Variants in CENPF observed in about 807,000 individuals in gnomAD.
CENPF encodes the protein AH antigen.
CENPF carries 214 observed loss-of-function variants against 307.3 expected under a neutral mutation model. The ratio of observed to expected loss-of-function variants is 0.70; its 90% CI spans 0.62 to 0.78. The LOEUF (loss-of-function observed/expected upper bound fraction) is 0.78. Ranked by LOEUF, CENPF falls within the 30% of genes least tolerant of loss-of-function variation. CENPF has a pLI of 0.00. For synonymous variants in CENPF, 1,259 were observed against 1,270.6 expected (o/e 0.99, Z 0.19); for missense variants, 3,401 against 3,483.9 (o/e 0.98, Z 0.60).
At chr1:214,656,572 C>T (rs1658637366) in intron 17 of CENPF, among the ~76,000 whole-genome samples, 1 of 152,114 alleles carries the variant, frequency 6.6e-6, no homozygotes, top group South Asian at 2.1e-4. Flanking sequence ...TGTTCATCCA[C>T]TTATGGTAGA....
In CENPF at chr1:214,619,237, C is replaced by T; in HGVS notation, c.573+17C>T. On this transcript the variant is annotated intron_variant, in intron 5 of 19. Transcript: ENST00000366955. ...CAGGCTAAAGTAAGTTAATTATGGG[C>T]CCTATAATAGAGTATGCAGTTATAG... is the stretch of plus-strand genomic sequence containing the variant. 2 of 1,214,638 alleles carry T rather than the reference C, an allele frequency of 1.6e-6. No individual in the cohort carries two copies. Among genetic ancestry groups the T allele is most frequent in the East Asian group, 2.3e-5 (1 of 42,850 alleles). The allele number at this position is 1,214,638 out of a possible 1,614,324, so 75.2% of individuals were successfully genotyped here. A position where few individuals can be genotyped will look rare whatever the true frequency, so the allele number is the denominator to read the frequency against.
Position 214,658,959 on chromosome 1 carries a change from A to T in CENPF, c.9072A>T (p.Pro3024=). The change falls in exon 19 of 20, where the codon CCA becomes CCT. Residue 3024 remains proline (P), a synonymous_variant. Coordinates refer to ENST00000366955, the MANE Select transcript of CENPF (RefSeq NM_016343.4). ...RLAAQKLALS[P]LSLGKENLAE... is the part of the protein sequence containing the mutation. Reference sequence around the variant, plus strand: ...CTGCACAGAAGTTAGCGCTATCCCCACTGAGTCTCGGCAAAGAAAATCTTG... The same window carrying T: ...CTGCACAGAAGTTAGCGCTATCCCCTCTGAGTCTCGGCAAAGAAAATCTTG... 1 of 1,614,076 alleles carries T rather than the reference A, an allele frequency of 6.2e-7. No individual in the cohort carries two copies. The highest frequency in any genetic ancestry group is 8.5e-7 in the Non-Finnish European group (1 of 1,179,986).
intron 16 of CENPF, 159 bp from the exon 17 acceptor site, chr1:214,655,082 G>T: frequency 4.3e-6 from 2 of 464,290 alleles, no homozygotes; most frequent in Non-Finnish European, 7.4e-6. Flanking sequence ...AGGAAACTGA[G>T]TAGAGAACGT....
In CENPF at chr1:214,640,993, T is replaced by C; in HGVS notation, c.2655T>C (p.Ile885=). Residue 885 remains isoleucine, a synonymous_variant, in exon 12 of 20, where the codon ATT becomes ATC. Transcript: ENST00000366955. ...TTGTGGCTGAAACAAGTCAGCGCAT[T>C]AGTAAGTTACAGGAAGACACTTCTG... ...QSFVAETSQR[I]SKLQEDTSAH... 1.3e-6 allele frequency: 2 copies of C among 1,590,190 alleles called. No individual in the cohort carries two copies. The highest frequency in any genetic ancestry group is 1.7e-6 in the Non-Finnish European group (2 of 1,173,072).
At position 214,640,670 on chromosome 1, in the gene CENPF, G is replaced by A; in HGVS notation, c.2332G>A (p.Glu778Lys). 1 of 1,614,082 alleles carries A rather than the reference G, an allele frequency of 6.2e-7. No individual in the cohort carries two copies. The highest frequency in any genetic ancestry group is 8.5e-7 in the Non-Finnish European group (1 of 1,180,002). ...KSKDASLVTN[E>K]DHQRSLLAFD... ...CAAAGATGCTTCTCTGGTGACAAATGAAGATCATCAGAGAAGTCTTTTGGC... is the reference window on the plus strand; with the variant it reads ...CAAAGATGCTTCTCTGGTGACAAATAAAGATCATCAGAGAAGTCTTTTGGC... The change falls in exon 12 of 20, where the codon GAA becomes AAA. Residue 778 changes from glutamate to lysine, a missense_variant. By Grantham distance (56) the Glu-to-Lys change is moderately conservative. Coordinates refer to ENST00000366955, the MANE Select transcript of CENPF (RefSeq NM_016343.4).
At chr1:214,625,785 A>G (rs545779023) in intron 7 of CENPF, among the ~76,000 whole-genome samples, 4 of 152,214 alleles carry the variant, frequency 2.6e-5, no homozygotes, top group African/African-American at 9.6e-5. Flanking sequence ...TACACATTTT[A>G]TCACAGTCTG....
chr1:214,616,364 A>T (rs1161437064), intron 3 of CENPF, among the ~76,000 whole-genome samples: 2 of 152,222 alleles, frequency 1.3e-5, no homozygotes, highest in Non-Finnish European at 2.9e-5. Flanking sequence ...ACCTCGAATC[A>T]GCAGATTTGT....
At chr1:214,657,633 G>A (rs72759671) in intron 18 of CENPF, among the ~76,000 whole-genome samples, 1 of 152,096 alleles carries the variant, frequency 6.6e-6, no homozygotes, top group South Asian at 2.1e-4. Flanking sequence ...TGGAAAAATG[G>A]CTGTCTAAAA....
chr1:214,616,849 CT>C (rs1657357544), intron 3 of CENPF, among the ~76,000 whole-genome samples: 17 of 6,588 alleles, frequency 2.6e-3, no homozygotes, highest in African/African-American at 4.7e-3. Flanking sequence ...TTCTTTCTTT[CT>C]TTCTTTCTTT....
chr1:214,662,520 T>G (rs2102426148), intron 19 of CENPF, among the ~76,000 whole-genome samples: 1 of 152,172 alleles, frequency 6.6e-6, no homozygotes, highest in African/African-American at 2.4e-5. Flanking sequence ...TTCCATTCCC[T>G]TTTCTTCTTG....
intron 13 of CENPF, chr1:214,647,864 T>A (rs1271365826): frequency 2.7e-6 from 1 of 366,662 alleles, no homozygotes; most frequent in Non-Finnish European, 5.5e-6. Flanking sequence ...ACTGATAGAT[T>A]TGTAACCAAC....
Position 214,608,532 on chromosome 1 carries a change from A to G in CENPF, c.-41-5182A>G, listed in dbSNP as rs1657102921. The G allele has an allele frequency of 1.9e-6, 3 of 1,611,844 alleles. No homozygotes were observed. The Admixed American group carries it at 5.0e-5, about 27-fold the overall frequency. Reference sequence around the variant, plus strand: ...ACCTGGCACCAGTCACGCAGCGAACATACATGCAGGAGACGCGGTTGCGGC... The same window carrying G: ...ACCTGGCACCAGTCACGCAGCGAACGTACATGCAGGAGACGCGGTTGCGGC... On this transcript the variant is annotated intron_variant, in intron 1 of 19. Transcript: ENST00000366955.
At chr1:214,613,683 G>GTAAGA in intron 1 of CENPF, 31 bp from the exon 2 acceptor site, 1 of 1,429,766 alleles carries the variant, frequency 7.0e-7, no homozygotes, top group Non-Finnish European at 9.4e-7. Context: ...TTTTACTGTG[G>GTAAGA]TAAGACCAAC....
At chr1:214,636,070 T>G (rs1351690942) in intron 10 of CENPF, among the ~76,000 whole-genome samples, 4 of 152,190 alleles carry the variant, frequency 2.6e-5, no homozygotes, top group Non-Finnish European at 5.9e-5. Context: ...ACATTCTAGT[T>G]CCTCTTCTAT....
intron 1 of CENPF, chr1:214,605,712 G>T: frequency 6.3e-7 from 1 of 1,592,874 alleles, no homozygotes; most frequent in Non-Finnish European, 8.5e-7. Context: ...GAGATGAAGC[G>T]ACGCAGGCCC....
intron 17 of CENPF, among the ~76,000 whole-genome samples, chr1:214,656,028 C>T (rs181378945): frequency 1.5e-4 from 23 of 152,224 alleles, no homozygotes; most frequent in Admixed American, 8.5e-4. Context: ...GTTTCTTTGT[C>T]AATAGATTGG....
intron 3 of CENPF, among the ~76,000 whole-genome samples, chr1:214,617,509 T>G (rs1657393237): frequency 6.6e-6 from 1 of 152,210 alleles, no homozygotes. Flanking sequence ...TGTGGGTTTT[T>G]TGGTTTTGAA....
intron 10 of CENPF, among the ~76,000 whole-genome samples, chr1:214,633,832 C>T (rs1357680010): frequency 1.3e-5 from 2 of 152,222 alleles, no homozygotes; most frequent in African/African-American, 4.8e-5. Context: ...TGCCTTTTGG[C>T]CAGTGGGGAC....
At chr1:214,647,998 A>C in intron 13 of CENPF, 1 of 497,296 alleles carries the variant, frequency 2.0e-6, no homozygotes, top group Non-Finnish European at 4.0e-6. Flanking sequence ...TGCCATCAAG[A>C]GGCTCAATTA....
Sources: gnomAD v4.1 joint callset for allele counts (sites outside exome capture counted in the v4.1 genomes callset) on GRCh38, gnomAD v4.1.1 for gene constraint, MANE v1.5 for transcripts, NCBI Gene and HGNC (gene_info 2026-07-23, HGNC 2026-07-21) for gene names.